Variants in MCTP1 observed in about 807,000 individuals in gnomAD.
The protein encoded by MCTP1 is multiple C2 and transmembrane domain-containing protein 1.
A neutral mutation model predicts 120.6 loss-of-function variants in MCTP1; 69 were observed. The observed-to-expected ratio is 0.57, with a 90% CI of 0.47 to 0.70. The LOEUF (loss-of-function observed/expected upper bound fraction) is 0.70. Ranked by LOEUF, MCTP1 falls within the 30% of genes least tolerant of loss-of-function variation. The pLI, the probability that MCTP1 is intolerant of heterozygous loss-of-function variation, is 0.00. For missense variants in MCTP1, 1,203 were observed against 1,248.8 expected, an observed-to-expected ratio of 0.96 and a Z score of 0.55; for synonymous variants, 529 against 493.1, an observed-to-expected ratio of 1.07 and a Z score of -0.96.
At chr5:94,972,005 A>G (rs1561948945) in intron 2 of MCTP1, among the ~76,000 whole-genome samples, 1 of 152,078 alleles carries the variant, frequency 6.6e-6, no homozygotes, top group Non-Finnish European at 1.5e-5. Flanking sequence ...TCTTGAAATG[A>G]TCTCTGCCAC....
At chr5:95,248,542 A>T (rs759392516) in intron 1 of MCTP1, among the ~76,000 whole-genome samples, 1 of 152,236 alleles carries the variant, frequency 6.6e-6, no homozygotes, top group Non-Finnish European at 1.5e-5. Flanking sequence ...ATGGAGGAAC[A>T]TTCCATGCTC....
At chr5:95,198,950 TA>T (rs1750693904) in intron 1 of MCTP1, among the ~76,000 whole-genome samples, 2 of 152,222 alleles carry the variant, frequency 1.3e-5, no homozygotes, top group Admixed American at 1.3e-4. Flanking sequence ...ATTGATTTGT[TA>T]ATGGTGCTAA....
At chr5:94,733,464 A>G (rs1361174481) in intron 19 of MCTP1, among the ~76,000 whole-genome samples, 1 of 152,234 alleles carries the variant, frequency 6.6e-6, no homozygotes, top group Non-Finnish European at 1.5e-5. Context: ...TCAGCACAGC[A>G]TAGGTGCTAA....
At chr5:95,244,475 C>T (rs924873097) in intron 1 of MCTP1, among the ~76,000 whole-genome samples, 8 of 152,186 alleles carry the variant, frequency 5.3e-5, no homozygotes, top group African/African-American at 1.9e-4. Context: ...CACTACTGAC[C>T]AAATACTGCT....
chr5:94,940,510 C>T (rs185321550), intron 4 of MCTP1, among the ~76,000 whole-genome samples: 300 of 146,836 alleles, frequency 2.0e-3, no homozygotes, highest in Non-Finnish European at 3.9e-3. Context: ...CAGAGAGTAG[C>T]GCCATACATA....
chr5:95,181,843 CT>C (rs954522871), intron 1 of MCTP1, among the ~76,000 whole-genome samples: 49 of 152,288 alleles, frequency 3.2e-4, no homozygotes, highest in African/African-American at 1.2e-3. Flanking sequence ...TGCATCACTC[CT>C]TTCACCATCC....
chr5:94,975,976 A>G (rs989762261), intron 2 of MCTP1, among the ~76,000 whole-genome samples: 5 of 152,154 alleles, frequency 3.3e-5, no homozygotes, highest in Admixed American at 3.3e-4. Flanking sequence ...GACTGAAAAC[A>G]CATGTATAAC....
chr5:95,184,282 A>G (rs1748953469), intron 1 of MCTP1, among the ~76,000 whole-genome samples: 1 of 152,218 alleles, frequency 6.6e-6, no homozygotes, highest in Non-Finnish European at 1.5e-5. Context: ...AAAAAGGATT[A>G]CACATCCAAA....
chr5:94,864,506 A>G (rs2153263000), intron 17 of MCTP1, among the ~76,000 whole-genome samples: 1 of 152,032 alleles, frequency 6.6e-6, no homozygotes, highest in East Asian at 1.9e-4. Context: ...TGCGACATAC[A>G]TAAATGTAGC....
intron 1 of MCTP1, among the ~76,000 whole-genome samples, chr5:95,095,520 GT>G (rs1274651111): frequency 1.3e-5 from 2 of 152,150 alleles, no homozygotes; most frequent in Admixed American, 1.3e-4. Flanking sequence ...ATAGGGGTTG[GT>G]TTATTTGCAG....
intron 1 of MCTP1, among the ~76,000 whole-genome samples, chr5:95,035,739 C>T (rs1841181657): frequency 6.6e-6 from 1 of 151,904 alleles, no homozygotes; most frequent in African/African-American, 2.4e-5. Flanking sequence ...TATATATATA[C>T]TTGTGAAAAT....
chr5:95,018,501 G>GC lies in MCTP1; in HGVS notation c.721-1018dup, dbSNP rs1314208423. On this transcript the variant is annotated intron_variant, in intron 1 of 22. Transcript: ENST00000515393. ...TACCCTACATTTGTTCGTTAAAGCA[G>GC]CATTTTTTTTTTTTGAGGTTTTAAG... Among the ~76,000 whole-genome samples, 4 of 87,470 alleles carry GC rather than the reference G, an allele frequency of 4.6e-5. No homozygotes were observed. In the East Asian group the frequency reaches 1.2e-3, roughly 27 times the overall value. The allele number at this position is 87,470 out of a possible 152,430, so 57.4% of individuals were successfully genotyped here.
chr5:95,174,090 G>A (rs767803858), intron 1 of MCTP1, among the ~76,000 whole-genome samples: 1 of 151,986 alleles, frequency 6.6e-6, no homozygotes, highest in Non-Finnish European at 1.5e-5. Context: ...GCAATGTTTT[G>A]TTCACTGCTA....
chr5:94,924,048 A>G (rs758159915), intron 6 of MCTP1, 27 bp from the exon 7 acceptor site: 4 of 1,316,860 alleles, frequency 3.0e-6, no homozygotes, highest in East Asian at 5.4e-5. Flanking sequence ...ATTTAGCTAC[A>G]TTTTGAGATG....
chr5:94,975,525 C>T, intron 2 of MCTP1, among the ~76,000 whole-genome samples: 1 of 151,906 alleles, frequency 6.6e-6, no homozygotes, highest in African/African-American at 2.4e-5. Flanking sequence ...ACTTCCCAGG[C>T]TTTAGAACTG....
intron 2 of MCTP1, among the ~76,000 whole-genome samples, chr5:94,978,629 A>C (rs1484839619): frequency 6.6e-6 from 1 of 152,182 alleles, no homozygotes; most frequent in Non-Finnish European, 1.5e-5. Flanking sequence ...TTTCACTTAC[A>C]TCAGATATCT....
At chr5:95,115,465 TG>T (rs1427747184) in intron 1 of MCTP1, among the ~76,000 whole-genome samples, 2 of 151,432 alleles carry the variant, frequency 1.3e-5, no homozygotes. Flanking sequence ...GCAGAATTTC[TG>T]GAGTTGAAAA....
chr5:94,793,544 T>G (rs1300918933), intron 18 of MCTP1: 1 of 152,226 alleles, frequency 6.6e-6, no homozygotes, highest in Non-Finnish European at 1.5e-5. Context: ...TATGTGGTCT[T>G]TTTTGGTACT....
intron 1 of MCTP1, among the ~76,000 whole-genome samples, chr5:95,066,901 G>T (rs1012731410): frequency 1.3e-5 from 2 of 152,160 alleles, no homozygotes; most frequent in African/African-American, 4.8e-5. Context: ...AATAATGTGC[G>T]ATCTAGATCC....
Sources: gnomAD v4.1 joint callset for allele counts (sites outside exome capture counted in the v4.1 genomes callset) on GRCh38, gnomAD v4.1.1 for gene constraint, MANE v1.5 for transcripts, NCBI Gene and HGNC (gene_info 2026-07-23, HGNC 2026-07-21) for gene names.